Variants in STRIP1 observed in about 807,000 individuals in gnomAD.
STRIP1 encodes the protein striatin-interacting protein 1.
STRIP1 carries 63 observed loss-of-function variants against 106.2 expected under a neutral mutation model. The observed-to-expected ratio is 0.59, with a 90% CI of 0.48 to 0.73. The LOEUF (loss-of-function observed/expected upper bound fraction) is 0.73. Ranked by LOEUF, STRIP1 falls within the 30% of genes least tolerant of loss-of-function variation. The pLI is 0.00. For synonymous variants in STRIP1, 390 were observed against 413.0 expected (o/e 0.94, Z 0.67); for missense variants, 857 against 1,074.8 (o/e 0.80, Z 2.83).
chr1:110,034,204 A>G (rs1652321083), upstream of STRIP1, among the ~76,000 whole-genome samples: 1 of 152,208 alleles, frequency 6.6e-6, no homozygotes, highest in Non-Finnish European at 1.5e-5. Flanking sequence ...CTTGGTGCAC[A>G]GGAGACATTT....
Position 110,046,740 on chromosome 1 carries a change from CCT to C in STRIP1, c.1483_1484del (p.Ser495ArgfsTer7). 6.2e-7 allele frequency: 1 copy of C among 1,612,516 alleles called. No individual in the cohort carries two copies. The highest frequency in any genetic ancestry group is 8.5e-7 in the Non-Finnish European group (1 of 1,178,920). ...AQMEEEYLRS[P>X]LSGGEEEVEQ... ...GATGGAGGAGGAATACCTCCGCTCC[CCT>C]CTCTCAGGGGTAAGTTGGAGGTCCT... On this transcript the variant is annotated frameshift_variant, in exon 13 of 21. Coordinates refer to ENST00000369795, the MANE Select transcript of STRIP1 (RefSeq NM_033088.4). LOFTEE classifies it high-confidence loss of function.
In STRIP1 at chr1:110,047,546, A is replaced by G. The variant is rs1653085094; in HGVS notation, c.1493A>G (p.Glu498Gly). The change falls in exon 14 of 21, where the codon GAA becomes GGA. Residue 498 changes from glutamate to glycine, a missense_variant. By Grantham distance (98) the Glu-to-Gly change is moderately conservative. Transcript: ENST00000369795. ...TTGTACTCATTATGTTAAAAGGGAG[A>G]AGAAGAAGTTGAGCAAGTCCCTGCA... The part of the protein sequence containing the change: ...EYLRSPLSGG[E>G]EEVEQVPAET... The G allele has an allele frequency of 6.2e-7, 1 of 1,610,888 alleles. No homozygotes were observed. Among genetic ancestry groups the G allele is most frequent in the Non-Finnish European group, 8.5e-7 (1 of 1,178,564 alleles).
At chr1:110,052,834 G>A (rs1049346173) in intron 20 of STRIP1, among the ~76,000 whole-genome samples, 1 of 152,102 alleles carries the variant, frequency 6.6e-6, no homozygotes, top group African/African-American at 2.4e-5. Flanking sequence ...CCAGAGTGTT[G>A]GGATTACAAG....
intron 15 of STRIP1, among the ~76,000 whole-genome samples, chr1:110,048,614 G>A (rs1653143246): frequency 6.6e-6 from 1 of 152,254 alleles, no homozygotes. Context: ...GTCAAATACT[G>A]TATATTTGAT....
Position 110,053,845 on chromosome 1 carries a change from A to G in STRIP1, c.2447A>G (p.Asn816Ser). 1 of 1,614,176 alleles carries G rather than the reference A, an allele frequency of 6.2e-7. No homozygotes were observed. The highest frequency in any genetic ancestry group is 8.5e-7 in the Non-Finnish European group (1 of 1,180,022). ...RVDLPEDFQM[N>S]YDLWLEREVF... ...GACCTCCCTGAGGACTTTCAGATGA[A>G]CTATGACCTCTGGTTAGAAAGGGAG... Residue 816 changes from asparagine to serine, a missense_variant, in exon 21 of 21, where the codon AAC becomes AGC. By Grantham distance (46) the Asn-to-Ser change is conservative (BLOSUM62 1). Around this residue, in one of 2 missense-constraint regions of STRIP1, gnomAD observed 750 missense variants for 989.8 expected, o/e 0.76. Transcript: ENST00000369795.
chr1:110,035,184 G>A (rs1652387120), intron 1 of STRIP1, among the ~76,000 whole-genome samples: 1 of 152,186 alleles, frequency 6.6e-6, no homozygotes, highest in African/African-American at 2.4e-5. Context: ...GGGCTGCCGC[G>A]CCCCCAACCT....
intron 14 of STRIP1, 60 bp downstream of exon 14, chr1:110,047,676 TCCTCCTGCCA>T: frequency 6.4e-7 from 1 of 1,558,420 alleles, no homozygotes; most frequent in South Asian, 1.2e-5. Context: ...GGCCCTGCCG[TCCTCCTGCCA>T]CCTGCAGACC....
intron 10 of STRIP1, among the ~76,000 whole-genome samples, chr1:110,044,171 C>G (rs1400881703): frequency 6.6e-6 from 1 of 152,230 alleles, no homozygotes; most frequent in Non-Finnish European, 1.5e-5. Flanking sequence ...TGTCTCCACC[C>G]ATCCTGGGGT....
chr1:110,040,512 TG>T, intron 5 of STRIP1, 122 bp from the exon 6 acceptor site: 1 of 854,284 alleles, frequency 1.2e-6, no homozygotes, highest in Non-Finnish European at 1.8e-6. Flanking sequence ...CCGTGTCCTG[TG>T]GCCTCTTGTG....
At chr1:110,041,501 A>G (rs750977716) in intron 6 of STRIP1, 35 bp from the exon 7 acceptor site, 2 of 1,546,002 alleles carry the variant, frequency 1.3e-6, no homozygotes, top group African/African-American at 2.8e-5. Flanking sequence ...TGACCCCCCC[A>G]TCCCACTCCA....
intron 12 of STRIP1, among the ~76,000 whole-genome samples, chr1:110,045,985 A>G (rs534900280): frequency 1.3e-5 from 2 of 152,328 alleles, no homozygotes; most frequent in African/African-American, 4.8e-5. Flanking sequence ...CCTAACAGCT[A>G]TCTGGAGTGA....
At position 110,039,303 on chromosome 1, in the gene STRIP1, C is replaced by T; in HGVS notation, c.457C>T (p.Gln153Ter). Residue 153 changes from glutamine (Q) to a stop codon, truncating the protein, a stop_gained, in exon 4 of 21, where the codon CAA (glutamine) becomes TAA (stop). Coordinates refer to ENST00000369795, the MANE Select transcript of STRIP1 (RefSeq NM_033088.4). LOFTEE classifies it high-confidence loss of function. ...GGCTCGAGCAATTCTCTATGTTGCT[C>T]AAGGTATTGAGTGGACCTCCCCAGG... ...KVARAILYVA[Q>*]GTFGECSSEA... is the part of the protein sequence containing the mutation. 6.2e-7 allele frequency: 1 copy of T among 1,614,116 alleles called. No individual in the cohort carries two copies. The highest frequency in any genetic ancestry group is 1.3e-5 in the African/African-American group (1 of 75,040).
chr1:110,033,812 C>T (rs542106808), upstream of STRIP1, among the ~76,000 whole-genome samples: 6 of 152,258 alleles, frequency 3.9e-5, no homozygotes, highest in Non-Finnish European at 5.9e-5. Flanking sequence ...CATCTTAGCA[C>T]CCTGTCCTGC....
At chr1:110,034,499 T>G, upstream of STRIP1, 3 of 928,982 alleles carry the variant, frequency 3.2e-6, no homozygotes, top group South Asian at 2.1e-5. Flanking sequence ...TATCGCGAGG[T>G]ATTGGTCAGC....
At chr1:110,047,029 G>A (rs1046108833) in intron 13 of STRIP1, among the ~76,000 whole-genome samples, 5 of 152,184 alleles carry the variant, frequency 3.3e-5, no homozygotes, top group African/African-American at 4.8e-5. Context: ...CAGCCTGGGC[G>A]ACAGAGCGAG....
Position 110,039,470 on chromosome 1 carries a change from T to C in STRIP1, c.536T>C (p.Val179Ala), listed in dbSNP as rs1302437819. The C allele has an allele frequency of 1.9e-6, 3 of 1,611,204 alleles. No individual in the cohort carries two copies. In the African/African-American group the frequency reaches 4.0e-5, roughly 22 times the overall value. Reference sequence around the variant, plus strand: ...TACAACATCTTTCTCCTCCTGGAGGTGGGCACGTTCAATGCTTTGGTGGAG... The same window carrying C: ...TACAACATCTTTCTCCTCCTGGAGGCGGGCACGTTCAATGCTTTGGTGGAG... ...MRYNIFLLLE[V>A]GTFNALVELL... is the part of the protein sequence containing the mutation. The change falls in exon 5 of 21, where the codon GTG becomes GCG. Residue 179 changes from valine (V) to alanine (A), a missense_variant. This residue lies in a region of STRIP1 where 750 missense variants were observed against 989.8 expected (regional missense o/e 0.76). Transcript: ENST00000369795.
At chr1:110,050,494 A>G in intron 18 of STRIP1, 85 bp downstream of exon 18, 1 of 1,286,670 alleles carries the variant, frequency 7.8e-7, no homozygotes, top group Non-Finnish European at 1.1e-6. Context: ...CTGCAGGAAT[A>G]GAGGTGTCTC....
intron 14 of STRIP1, 42 bp from the exon 15 acceptor site, chr1:110,047,730 C>A: frequency 6.5e-7 from 1 of 1,547,782 alleles, no homozygotes; most frequent in East Asian, 2.4e-5. Flanking sequence ...AATTTTGACC[C>A]TGGGCTCTCA....
chr1:110,047,673 C>T (rs544835924), intron 14 of STRIP1, 57 bp downstream of exon 14: 3 of 1,559,202 alleles, frequency 1.9e-6, no homozygotes, highest in South Asian at 1.2e-5. Flanking sequence ...GCAGGCCCTG[C>T]CGTCCTCCTG....
Sources: gnomAD v4.1 joint callset for allele counts (sites outside exome capture counted in the v4.1 genomes callset) on GRCh38, gnomAD v4.1.1 for gene constraint, gnomAD v4.1.1 regional missense constraint, MANE v1.5 for transcripts, NCBI Gene and HGNC (gene_info 2026-07-23, HGNC 2026-07-21) for gene names.